PCDHGB6: variants seen among roughly 807,000 people sequenced by gnomAD.
PCDHGB6 encodes protocadherin gamma-B6.
PCDHGB6 carries 51 observed loss-of-function variants against 59.1 expected under a neutral mutation model. The ratio of observed to expected loss-of-function variants is 0.86; its 90% CI spans 0.69 to 1.09. PCDHGB6 has a LOEUF of 1.09. PCDHGB6 is among the 50% of genes least tolerant of loss of function. The pLI is 0.00. For synonymous variants in PCDHGB6, 466 were observed against 495.1 expected (o/e 0.94, Z 0.78); for missense variants, 1,148 against 1,205.1 (o/e 0.95, Z 0.70).
chr5:141,491,409 G>C lies in PCDHGB6; in HGVS notation c.2419-3398G>C, dbSNP rs2099711927. 6.2e-7 allele frequency: 1 copy of C among 1,614,000 alleles called. No homozygotes were observed. Among genetic ancestry groups the C allele is most frequent in the Non-Finnish European group, 8.5e-7 (1 of 1,180,022 alleles). The stretch of plus-strand genomic sequence containing the variant: ...AGTGCCTTCAGGGAAACGCAGACGG[G>C]GACGGGGGTGGAGGGCAGTGCTGCA... On this transcript the variant is annotated intron_variant, in intron 1 of 3. Coordinates refer to ENST00000520790, the MANE Select transcript of PCDHGB6 (RefSeq NM_018926.3). This position sits in a 1 kb window ranked among gnomAD's most constrained non-coding sequence, Gnocchi z 6.9.
chr5:141,432,133 C>T lies in PCDHGB6; in HGVS notation c.2418+21513C>T, dbSNP rs1468632362. The stretch of plus-strand genomic sequence containing the variant: ...CGGTCTTCCCTCAGGCCTCCTATTC[C>T]GCTTATATCCCAGAGAACAATCCCA... On this transcript the variant is annotated intron_variant, in intron 1 of 3. Transcript: ENST00000520790. This position sits in a 1 kb window ranked among gnomAD's most constrained non-coding sequence, Gnocchi z 6.0. 9 of 1,614,142 alleles carry T rather than the reference C, an allele frequency of 5.6e-6. No homozygotes were observed. The highest frequency in any genetic ancestry group is 1.6e-4 in the Middle Eastern group (1 of 6,062).
chr5:141,486,504 A>G lies in PCDHGB6; in HGVS notation c.2419-8303A>G. ...AGTACCCACAGAACTATTTTCCTCA[A>G]TATTTCAGATGTGAATGATAATCCA... On this transcript the variant is annotated intron_variant, in intron 1 of 3. Transcript: ENST00000520790. The surrounding 1 kb of genome is among the most constrained non-coding windows in gnomAD (Gnocchi z 5.0). 7.4e-6 allele frequency: 12 copies of G among 1,614,100 alleles called. No individual in the cohort carries two copies. Among genetic ancestry groups the G allele is most frequent in the Non-Finnish European group, 1.0e-5 (12 of 1,179,986 alleles).
rs553276457 is a variant in PCDHGB6 at position 141,480,179 on chromosome 5, G to A, written c.2419-14628G>A. Among the ~76,000 whole-genome samples, 10 of 152,058 alleles carry A rather than the reference G, an allele frequency of 6.6e-5. No individual in the cohort carries two copies. In the South Asian group the frequency reaches 8.3e-4, roughly 13 times the overall value. On this transcript the variant is annotated intron_variant, in intron 1 of 3. Transcript: ENST00000520790. ...AGCATTTTGGGAGGCTGAGGCAGGC[G>A]GATTGCTTGAGGCCAGCAGTTCAAG... is the stretch of plus-strand genomic sequence containing the variant.
At chr5:141,464,116 T>A (rs1195883274) in intron 1 of PCDHGB6, among the ~76,000 whole-genome samples, 1 of 151,922 alleles carries the variant, frequency 6.6e-6, no homozygotes, top group African/African-American at 2.4e-5. Context: ...AATACAAAAA[T>A]TAGCTGGGTG....
chr5:141,412,976 A>C (rs2095594590), intron 1 of PCDHGB6: 1 of 535,900 alleles, frequency 1.9e-6, no homozygotes. Context: ...GAGAAAACGC[A>C]GCCAGAGCTC....
At position 141,476,676 on chromosome 5, in the gene PCDHGB6, G is replaced by A. The variant is rs753538822; in HGVS notation, c.2419-18131G>A. The A allele has an allele frequency of 6.2e-7, 1 of 1,614,222 alleles. No individual in the cohort carries two copies. The highest frequency in any genetic ancestry group is 8.5e-7 in the Non-Finnish European group (1 of 1,180,054). On this transcript the variant is annotated intron_variant, in intron 1 of 3. Transcript: ENST00000520790. The surrounding 1 kb of genome is among the most constrained non-coding windows in gnomAD (Gnocchi z 7.6). ...TACTTTGCGCTTCGCGTGCAGACGC[G>A]GGAGGACAGCACCAAGTACGCGGAG...
In PCDHGB6 at chr5:141,510,980, G is replaced by A; in HGVS notation, c.2600G>A (p.Gly867Asp). The change falls in exon 4 of 4, where the codon GGT becomes GAT. Residue 867 changes from glycine (G) to aspartate (D), a missense_variant. Around this residue, in one of 5 missense-constraint regions of PCDHGB6, gnomAD observed 283 missense variants for 318.6 expected, o/e 0.89. Transcript: ENST00000520790. ...AADGSSTLGGGAGTMGLSARY... is the reference protein window; with the variant it reads ...AADGSSTLGGDAGTMGLSARY... ...GATGGGAGCTCCACCCTGGGAGGGG[G>A]TGCCGGCACCATGGGATTGAGCGCC... 1 of 1,614,170 alleles carries A rather than the reference G, an allele frequency of 6.2e-7. No homozygotes were observed.
At position 141,491,679 on chromosome 5, in the gene PCDHGB6, T is replaced by C. The variant is rs111288145; in HGVS notation, c.2419-3128T>C. On this transcript the variant is annotated intron_variant, in intron 1 of 3. Coordinates refer to ENST00000520790, the MANE Select transcript of PCDHGB6 (RefSeq NM_018926.3). This position sits in a 1 kb window ranked among gnomAD's most constrained non-coding sequence, Gnocchi z 6.9. ...CTGACGCCATCCGGTCCCGCTCTAA[T>C]ACGCTGCGGGAGCGGAGCCAGGTGA... is the stretch of plus-strand genomic sequence containing the variant. 21 of 1,613,378 alleles carry C rather than the reference T, an allele frequency of 1.3e-5. No homozygotes were observed. Among genetic ancestry groups the C allele is most frequent in the Middle Eastern group, 1.6e-4 (1 of 6,078 alleles).
intron 1 of PCDHGB6, chr5:141,415,385 C>T (rs1388093443): frequency 3.7e-6 from 6 of 1,614,228 alleles, no homozygotes; most frequent in Non-Finnish European, 5.1e-6. Flanking sequence ...GGCGGCTTGA[C>T]AGGTGTGTCC....
chr5:141,450,104 T>A (rs1041853602), intron 1 of PCDHGB6, among the ~76,000 whole-genome samples: 1 of 150,664 alleles, frequency 6.6e-6, no homozygotes, highest in African/African-American at 2.5e-5. Flanking sequence ...CCTCCCAGGT[T>A]CAAATGATTC....
chr5:141,434,906 C>A lies in PCDHGB6; in HGVS notation c.2418+24286C>A, dbSNP rs1044434492. ...AACAATCCAGTCCCCTTCCCTCATA[C>A]CTTATTTATGTACATATATTTTATA... On this transcript the variant is annotated intron_variant, in intron 1 of 3. Coordinates refer to ENST00000520790, the MANE Select transcript of PCDHGB6 (RefSeq NM_018926.3). Among the ~76,000 whole-genome samples the A allele has an allele frequency of 2.0e-5, 3 of 151,752 alleles. No individual in the cohort carries two copies. In the South Asian group the frequency reaches 6.2e-4, roughly 32 times the overall value.
chr5:141,473,269 A>G (rs2099318337), intron 1 of PCDHGB6, among the ~76,000 whole-genome samples: 1 of 152,208 alleles, frequency 6.6e-6, no homozygotes. Flanking sequence ...AGTGTATGCT[A>G]TGATTATTTT....
intron 3 of PCDHGB6, chr5:141,507,285 C>T (rs80317708): frequency 2.7e-5 from 4 of 150,212 alleles, no homozygotes; most frequent in African/African-American, 7.4e-5. Flanking sequence ...ATAAGTCAGT[C>T]TCAAATGTTG....
intron 1 of PCDHGB6, among the ~76,000 whole-genome samples, chr5:141,424,944 A>G (rs958272371): frequency 2.6e-5 from 4 of 152,108 alleles, no homozygotes; most frequent in African/African-American, 9.7e-5. Context: ...CTCTCACATC[A>G]CTTCTAGGTA....
chr5:141,426,802 C>G (rs2096961440), intron 1 of PCDHGB6: 1 of 456,696 alleles, frequency 2.2e-6, no homozygotes, highest in South Asian at 1.5e-5. Flanking sequence ...CAGCTCAGTT[C>G]TAATGAACAT....
intron 1 of PCDHGB6, chr5:141,412,160 G>T (rs952899384): frequency 2.0e-5 from 3 of 152,212 alleles, no homozygotes; most frequent in Middle Eastern, 3.2e-3. Flanking sequence ...TAAGAGAAGA[G>T]ATTATTTATA....
chr5:141,468,920 A>G (rs2099185605), intron 1 of PCDHGB6, among the ~76,000 whole-genome samples: 1 of 151,612 alleles, frequency 6.6e-6, no homozygotes, highest in South Asian at 2.1e-4. Context: ...AGAAGAGAAT[A>G]GCACTAAAAT....
chr5:141,485,680 C>T lies in PCDHGB6; in HGVS notation c.2419-9127C>T. The T allele has an allele frequency of 6.2e-7, 1 of 1,613,966 alleles. No individual in the cohort carries two copies. Among genetic ancestry groups the T allele is most frequent in the South Asian group, 1.1e-5 (1 of 91,066 alleles). The stretch of plus-strand genomic sequence containing the variant: ...ATGTGGGGAGCAATTCGATTAGCAG[C>T]TATAGGCTGAGCTCCAATGAACACT... On this transcript the variant is annotated intron_variant, in intron 1 of 3. Coordinates refer to ENST00000520790, the MANE Select transcript of PCDHGB6 (RefSeq NM_018926.3). The surrounding 1 kb of genome is among the most constrained non-coding windows in gnomAD (Gnocchi z 5.7).
At chr5:141,422,806 C>T (rs868426196) in intron 1 of PCDHGB6, 2 of 1,614,208 alleles carry the variant, frequency 1.2e-6, no homozygotes, top group Non-Finnish European at 1.7e-6. Flanking sequence ...TGAGCAGTTT[C>T]GAGACTTAGA....
Sources: allele counts gnomAD v4.1 joint callset (sites outside exome capture counted in the v4.1 genomes callset), GRCh38; gene constraint gnomAD v4.1.1; regional missense constraint gnomAD v4.1.1; non-coding constraint Gnocchi (gnomAD v3.1); transcripts MANE v1.5; gene names NCBI Gene and HGNC (gene_info 2026-07-23, HGNC 2026-07-21).